SYTL4: variants seen among roughly 807,000 people sequenced by gnomAD.
SYTL4 encodes synaptotagmin-like protein 4.
Under a neutral mutation model 52.7 loss-of-function variants are expected in SYTL4, and 16 were observed. That is an observed-to-expected ratio of 0.30 (90% CI 0.21 to 0.46). The LOEUF is 0.46. Among genes scored for constraint, SYTL4 ranks in the 20% least tolerant of loss-of-function variants. The probability of loss-of-function intolerance (pLI) is 1.00; values close to 1 mark genes in which losing one functional copy is unlikely to be tolerated. For synonymous variants in SYTL4, 160 were observed against 186.6 expected (o/e 0.86, Z 1.16); for missense variants, 423 against 519.9 (o/e 0.81, Z 1.81).
At chrX:100,698,609 C>T (rs2083767386) in intron 8 of SYTL4, among the ~76,000 whole-genome samples, 1 of 111,291 alleles carries the variant, frequency 9.0e-6, no homozygotes, top group Non-Finnish European at 1.9e-5. Context: ...GAAAATGTGG[C>T]CCAAGAATAT....
intron 16 of SYTL4, among the ~76,000 whole-genome samples, chrX:100,684,401 A>C (rs758652622): frequency 3.5e-4 from 39 of 112,170 alleles, no homozygotes; most frequent in Non-Finnish European, 6.2e-4. Context: ...AAAGAAGACC[A>C]AGATATATTA....
chrX:100,725,894 G>C (rs1284343272), intron 2 of SYTL4, among the ~76,000 whole-genome samples: 1 of 111,269 alleles, frequency 9.0e-6, no homozygotes, highest in Non-Finnish European at 1.9e-5. Flanking sequence ...TGATACTAAT[G>C]GTATTCTGAT....
At chrX:100,709,085 AATCT>A (rs2084014929) in intron 2 of SYTL4, among the ~76,000 whole-genome samples, 1 of 112,091 alleles carries the variant, frequency 8.9e-6, no homozygotes, top group African/African-American at 3.2e-5. Context: ...TTTACCCAGA[AATCT>A]ATCTGTGTTT....
chrX:100,691,776 G>C (rs1352349829), intron 8 of SYTL4, among the ~76,000 whole-genome samples: 1 of 111,381 alleles, frequency 9.0e-6, no homozygotes, highest in Non-Finnish European at 1.9e-5. Flanking sequence ...CTGACCTCGT[G>C]ATCCGCCTGC....
chrX:100,704,162 T>C (rs1482314679), intron 3 of SYTL4, among the ~76,000 whole-genome samples: 1 of 111,841 alleles, frequency 8.9e-6, no homozygotes, highest in Non-Finnish European at 1.9e-5. Context: ...AGACAGAGTT[T>C]CACTATGTTG....
At chrX:100,701,412 G>A (rs1190219558) in intron 6 of SYTL4, 46 bp downstream of exon 6, 7 of 1,176,116 alleles carry the variant, frequency 6.0e-6, no homozygotes, top group Non-Finnish European at 8.1e-6. Context: ...TTCTCACCAC[G>A]GCCAAGGCCT....
chrX:100,700,674 A>T (rs2083829961), intron 8 of SYTL4, among the ~76,000 whole-genome samples: 1 of 112,197 alleles, frequency 8.9e-6, no homozygotes, highest in Non-Finnish European at 1.9e-5. Flanking sequence ...AGCGAATGCA[A>T]ACTATAAAAA....
rs1234117138 is a variant in SYTL4, at chrX:100,731,705, T to A, written c.-327-200A>T. ...GGCTCCCAGAGGGGCACAGACCGCA[T>A]TAGTGCTGGGTGGGTCAGGGAAGGG... On this transcript the variant is annotated intron_variant, in intron 1 of 19. Coordinates refer to ENST00000372989, the MANE Select transcript of SYTL4 (RefSeq NM_001370165.1). Among the ~76,000 whole-genome samples the A allele has an allele frequency of 4.5e-5, 5 of 110,537 alleles. No individual in the cohort carries two copies. The East Asian group carries it at 1.5e-3, about 32-fold the overall frequency.
intron 2 of SYTL4, among the ~76,000 whole-genome samples, chrX:100,717,595 G>A (rs1198357807): frequency 1.8e-5 from 2 of 112,602 alleles, no homozygotes; most frequent in Non-Finnish European, 3.7e-5. Context: ...TATGCTACGC[G>A]CAAAAACACG....
At chrX:100,724,106 C>T (rs1404127852) in intron 2 of SYTL4, among the ~76,000 whole-genome samples, 1 of 88,401 alleles carries the variant, frequency 1.1e-5, no homozygotes, top group East Asian at 3.7e-4. Context: ...GTGAGGAGCC[C>T]CTCTGCCCGG....
chrX:100,727,839 G>A (rs2084551325), intron 2 of SYTL4, among the ~76,000 whole-genome samples: 1 of 111,735 alleles, frequency 8.9e-6, no homozygotes, highest in Non-Finnish European at 1.9e-5. Flanking sequence ...GGATGATGGT[G>A]ACATTTTACT....
chrX:100,730,270 A>G lies in SYTL4; in HGVS notation c.-240+1148T>C, dbSNP rs2084614949. ...TTGGAAATGAAGTGGGTAAGACATC[A>G]GTAAGGTAAGTAGTCCATAGTCTCG... On this transcript the variant is annotated intron_variant, in intron 2 of 19. Coordinates refer to ENST00000372989, the MANE Select transcript of SYTL4 (RefSeq NM_001370165.1). Among the ~76,000 whole-genome samples the G allele has an allele frequency of 2.7e-5, 3 of 111,842 alleles. No homozygotes were observed. The South Asian group carries it at 1.2e-3, about 43-fold the overall frequency.
In SYTL4 at chrX:100,679,531, C is replaced by T. The variant is rs189682688; in HGVS notation, c.1559-119G>A. The T allele has an allele frequency of 1.1e-4, 58 of 524,284 alleles. 1 individual carries two copies. The East Asian group carries it at 1.5e-3, about 14-fold the overall frequency. The allele number at this position is 524,284 out of a possible 1,213,427, so 43.2% of individuals were successfully genotyped here. On this transcript the variant is annotated intron_variant, in intron 17 of 19. Coordinates refer to ENST00000372989, the MANE Select transcript of SYTL4 (RefSeq NM_001370165.1). The stretch of plus-strand genomic sequence containing the variant: ...AAGGCAGCGAGCTCCATAACAGAAC[C>T]GTGCCTGTCCTGTCTCCTCAGTGCC...
intron 17 of SYTL4, among the ~76,000 whole-genome samples, chrX:100,679,911 A>G (rs1276155099): frequency 8.9e-6 from 1 of 111,831 alleles, no homozygotes; most frequent in Non-Finnish European, 1.9e-5. Context: ...CAGTCTAAAT[A>G]TATACTAATC....
intron 8 of SYTL4, among the ~76,000 whole-genome samples, chrX:100,696,469 T>C (rs1287667477): frequency 2.7e-5 from 3 of 112,139 alleles, no homozygotes; most frequent in Non-Finnish European, 5.6e-5. Flanking sequence ...ATTGTGATTT[T>C]TAGGTCAAAT....
intron 2 of SYTL4, among the ~76,000 whole-genome samples, chrX:100,723,886 C>T (rs1203216234): frequency 1.9e-5 from 2 of 105,590 alleles, no homozygotes; most frequent in African/African-American, 3.6e-5. Flanking sequence ...GGTCAGCCCC[C>T]GCCAGGCCAG....
intron 2 of SYTL4, among the ~76,000 whole-genome samples, chrX:100,720,383 T>A (rs1377980148): frequency 8.9e-6 from 1 of 112,416 alleles, no homozygotes; most frequent in East Asian, 2.8e-4. Context: ...CATTTTTAAG[T>A]CCAGTGAGAG....
intron 8 of SYTL4, among the ~76,000 whole-genome samples, chrX:100,694,425 T>C (rs1241898099): frequency 9.0e-6 from 1 of 111,617 alleles, no homozygotes; most frequent in Non-Finnish European, 1.9e-5. Flanking sequence ...TCTTTCTCTA[T>C]CTACATGCTC....
At chrX:100,685,359 A>C (rs889130990) in intron 16 of SYTL4, 2 of 112,032 alleles carry the variant, frequency 1.8e-5, no homozygotes. Context: ...ATAATCAAGA[A>C]GTTGCTGAAT....
Sources: allele counts gnomAD v4.1 joint callset (sites outside exome capture counted in the v4.1 genomes callset), GRCh38; gene constraint gnomAD v4.1.1; transcripts MANE v1.5; gene names NCBI Gene and HGNC (gene_info 2026-07-23, HGNC 2026-07-21).